The following SHROOM4 variants were observed in gnomAD, a reference collection of about 807,000 sequenced individuals.
SHROOM4 encodes the protein protein Shroom4.
In SHROOM4, 17 loss-of-function variants were observed where a neutral mutation model predicts 80.3. The observed-to-expected ratio is 0.21, with a 90% confidence interval of 0.14 to 0.32. The LOEUF is 0.32. Ranked by LOEUF, SHROOM4 falls within the 10% of genes least tolerant of loss-of-function variation. SHROOM4 has a pLI of 1.00. For synonymous variants in SHROOM4, 400 were observed against 437.5 expected (o/e 0.91, Z 1.07); for missense variants, 993 against 1,140.3 (o/e 0.87, Z 1.86).
intron 2 of SHROOM4, among the ~76,000 whole-genome samples, chrX:50,655,215 T>C (rs1206143026): frequency 9.1e-6 from 1 of 110,114 alleles, no homozygotes; most frequent in East Asian, 2.8e-4. Flanking sequence ...GTTGATTCCA[T>C]GTCTTTGCTA....
chrX:50,780,438 G>A (rs1935600108), intron 1 of SHROOM4, among the ~76,000 whole-genome samples: 1 of 111,727 alleles, frequency 9.0e-6, no homozygotes, highest in Admixed American at 9.5e-5. Flanking sequence ...AAATCACATG[G>A]CATGTAAACA....
chrX:50,622,773 C>T (rs927500984), intron 5 of SHROOM4, among the ~76,000 whole-genome samples: 1 of 112,377 alleles, frequency 8.9e-6, no homozygotes, highest in Non-Finnish European at 1.9e-5. Context: ...TCTCCTAGTC[C>T]TTCTCATGTT....
chrX:50,673,293 GAAAGGT>G (rs201859355), intron 2 of SHROOM4, among the ~76,000 whole-genome samples: 2,261 of 111,019 alleles, frequency 0.02, 28 homozygotes, highest in Non-Finnish European at 0.034. Context: ...GAGATGTAAA[GAAAGGT>G]AAAGTTACTA....
At chrX:50,716,784 C>T (rs1432238707) in intron 1 of SHROOM4, among the ~76,000 whole-genome samples, 2 of 111,872 alleles carry the variant, frequency 1.8e-5, no homozygotes, top group South Asian at 7.5e-4. Context: ...ATATGGTTTC[C>T]CAGACTTACT....
intron 1 of SHROOM4, among the ~76,000 whole-genome samples, chrX:50,744,084 T>C: frequency 9.0e-6 from 1 of 111,672 alleles, no homozygotes; most frequent in South Asian, 3.8e-4. Context: ...TGTCTAGGTA[T>C]GGATCTGTTT....
chrX:50,749,969 G>A (rs1195055430), intron 1 of SHROOM4, among the ~76,000 whole-genome samples: 1 of 111,672 alleles, frequency 9.0e-6, no homozygotes, highest in South Asian at 3.8e-4. Flanking sequence ...CAAAGCCACA[G>A]TGAACTGGAA....
chrX:50,724,729 C>T (rs962288941), intron 1 of SHROOM4, among the ~76,000 whole-genome samples: 4 of 112,585 alleles, frequency 3.6e-5, no homozygotes, highest in African/African-American at 1.3e-4. Context: ...GATCCGCCTG[C>T]CTCAGCCTCC....
At chrX:50,694,366 A>T (rs1602439632) in intron 2 of SHROOM4, among the ~76,000 whole-genome samples, 2 of 103,428 alleles carry the variant, frequency 1.9e-5, no homozygotes, top group Non-Finnish European at 2.0e-5. Context: ...CCTTACCAGC[A>T]TCTGTTTTTT....
intron 3 of SHROOM4, among the ~76,000 whole-genome samples, chrX:50,636,719 T>A (rs1557256195): frequency 9.0e-6 from 1 of 111,436 alleles, no homozygotes; most frequent in East Asian, 2.8e-4. Context: ...CAGATTATTA[T>A]CTACACTTCA....
At chrX:50,808,544 C>A (rs1328098681) in intron 1 of SHROOM4, among the ~76,000 whole-genome samples, 1 of 111,456 alleles carries the variant, frequency 9.0e-6, no homozygotes, top group Non-Finnish European at 1.9e-5. Context: ...GAGGGGCAGG[C>A]AGTGAGAGCA....
intron 1 of SHROOM4, among the ~76,000 whole-genome samples, chrX:50,763,829 C>G (rs961344758): frequency 9.0e-6 from 1 of 111,293 alleles, no homozygotes; most frequent in Admixed American, 9.6e-5. Flanking sequence ...AGTACACTTT[C>G]TGGTTGCTTT....
chrX:50,810,938 C>A (rs145082267), intron 1 of SHROOM4, among the ~76,000 whole-genome samples: 2,852 of 111,771 alleles, frequency 0.026, 37 homozygotes, highest in Middle Eastern at 0.07. Context: ...AATAGTAACA[C>A]TGTATGCAAA....
chrX:50,672,074 G>A (rs1467639605), intron 2 of SHROOM4, among the ~76,000 whole-genome samples: 1 of 111,889 alleles, frequency 8.9e-6, no homozygotes, highest in African/African-American at 3.2e-5. Flanking sequence ...CGGTACACAC[G>A]ACATTTATCA....
chrX:50,690,240 T>A (rs1467128607), intron 2 of SHROOM4, among the ~76,000 whole-genome samples: 1 of 112,037 alleles, frequency 8.9e-6, no homozygotes, highest in Non-Finnish European at 1.9e-5. Context: ...TCAAATATAT[T>A]AAGGTACAAT....
chrX:50,743,473 T>C (rs1364607045), intron 1 of SHROOM4, among the ~76,000 whole-genome samples: 3 of 111,012 alleles, frequency 2.7e-5, no homozygotes, highest in African/African-American at 9.9e-5. Context: ...TTTATGTTTT[T>C]GAGACAGGGC....
intron 1 of SHROOM4, among the ~76,000 whole-genome samples, chrX:50,724,698 C>T (rs782120515): frequency 8.9e-6 from 1 of 111,989 alleles, no homozygotes; most frequent in Admixed American, 9.4e-5. Context: ...TCAGGCTGGT[C>T]TCGAACTCCT....
intron 5 of SHROOM4, among the ~76,000 whole-genome samples, chrX:50,619,089 T>C (rs1325767240): frequency 8.9e-6 from 1 of 112,148 alleles, no homozygotes; most frequent in Non-Finnish European, 1.9e-5. Flanking sequence ...TCATCTCTTT[T>C]CCGCTTCCAT....
chrX:50,598,436 C>T lies in SHROOM4; in HGVS notation c.4042G>A (p.Glu1348Lys), dbSNP rs1929228386. Residue 1348 changes from glutamate to lysine, a missense_variant, in exon 8 of 9, where the codon GAG becomes AAG. Coordinates refer to ENST00000376020, the MANE Select transcript of SHROOM4 (RefSeq NM_020717.5). ...ACGGCTTTTAAGTTGGCCTCCACCT[C>T]CTCCCCAAGGGCAGAATTGGCATTG... ...DINANSALGE[E>K]VEANLKAVCK... The T allele has an allele frequency of 8.3e-7, 1 of 1,207,264 alleles. No homozygotes were observed. Among genetic ancestry groups the T allele is most frequent in the African/African-American group, 1.8e-5 (1 of 57,118 alleles).
chrX:50,708,499 CCACTAACT>C (rs1486902002), intron 1 of SHROOM4, among the ~76,000 whole-genome samples: 1 of 112,227 alleles, frequency 8.9e-6, no homozygotes, highest in Non-Finnish European at 1.9e-5. Context: ...GCGCTGATTG[CCACTAACT>C]CATTTCAGCT....
Sources: gnomAD v4.1 joint callset for allele counts (sites outside exome capture counted in the v4.1 genomes callset) on GRCh38, gnomAD v4.1.1 for gene constraint, MANE v1.5 for transcripts, NCBI Gene and HGNC (gene_info 2026-07-23, HGNC 2026-07-21) for gene names.